Variants in NBN observed in about 807,000 individuals in gnomAD.
The protein encoded by NBN is nibrin.
In NBN, 88 loss-of-function variants were observed where a neutral mutation model predicts 90.8. The ratio of observed to expected loss-of-function variants is 0.97; its 90% confidence interval spans 0.82 to 1.16. The LOEUF is 1.16. Among genes scored for constraint, NBN ranks in the 50% most tolerant of loss-of-function variants. NBN has a pLI of 0.00. For synonymous variants in NBN, 328 were observed against 295.1 expected, an observed-to-expected ratio of 1.11 and a Z score of -1.14; for missense variants, 894 against 869.6, an observed-to-expected ratio of 1.03 and a Z score of -0.35.
At chr8:89,946,378 A>C in intron 12 of NBN, 83 bp from the exon 13 acceptor site, 2 of 1,262,742 alleles carry the variant, frequency 1.6e-6, no homozygotes, top group South Asian at 1.3e-5. Flanking sequence ...TCTATAGAAA[A>C]AAGTTCAAAT....
chr8:89,962,062 A>G (rs1811015229), intron 8 of NBN, among the ~76,000 whole-genome samples: 1 of 152,184 alleles, frequency 6.6e-6, no homozygotes. Flanking sequence ...TTCTTTTTAT[A>G]TAAAAGAAGA....
intron 9 of NBN, among the ~76,000 whole-genome samples, chr8:89,957,335 A>T (rs999700303): frequency 2.6e-5 from 4 of 152,238 alleles, no homozygotes; most frequent in East Asian, 1.9e-4. Flanking sequence ...AACAAAATTT[A>T]AAAATTTGAA....
At chr8:89,983,819 C>T (rs1459400116) in intron 1 of NBN, among the ~76,000 whole-genome samples, 1 of 152,024 alleles carries the variant, frequency 6.6e-6, no homozygotes, top group Non-Finnish European at 1.5e-5. Flanking sequence ...GACGCCTTGA[C>T]CTGTGAGTCT....
At chr8:89,978,885 G>A (rs901730894) in intron 4 of NBN, among the ~76,000 whole-genome samples, 1 of 152,176 alleles carries the variant, frequency 6.6e-6, no homozygotes, top group African/African-American at 2.4e-5. Flanking sequence ...TGTGAATTAA[G>A]CTATAAGCCT....
chr8:89,973,649 G>A (rs1051215938), intron 5 of NBN, among the ~76,000 whole-genome samples: 26 of 152,144 alleles, frequency 1.7e-4, no homozygotes, highest in African/African-American at 5.8e-4. Context: ...AGAAAGAAAA[G>A]ACTAGTGATG....
At chr8:89,952,174 G>A (rs530594490) in intron 11 of NBN, among the ~76,000 whole-genome samples, 5 of 152,092 alleles carry the variant, frequency 3.3e-5, no homozygotes, top group East Asian at 1.9e-4. Flanking sequence ...ACTTTTATAG[G>A]GGAAAAAAGA....
rs1809983545 is a variant in NBN, at chr8:89,942,236, G to A, written c.2184+1017C>T. On this transcript the variant is annotated intron_variant, in intron 14 of 15. Coordinates refer to ENST00000265433, the MANE Select transcript of NBN (RefSeq NM_002485.5). Reference sequence around the variant, plus strand: ...GAAATAAATAAAAATCTCATTTGAAGTTTCTAATGATAAGCCAGCCTTCAT... The same window carrying A: ...GAAATAAATAAAAATCTCATTTGAAATTTCTAATGATAAGCCAGCCTTCAT... Among the ~76,000 whole-genome samples, 3 of 152,128 alleles carry A rather than the reference G, an allele frequency of 2.0e-5. No homozygotes were observed. In the South Asian group the frequency reaches 6.2e-4, roughly 31 times the overall value.
intron 5 of NBN, among the ~76,000 whole-genome samples, chr8:89,972,965 AG>A (rs1413005268): frequency 1.3e-5 from 2 of 152,234 alleles, no homozygotes; most frequent in African/African-American, 4.8e-5. Flanking sequence ...ATTATGCCAT[AG>A]ATAACAGTTT....
chr8:89,968,111 A>G (rs114482466), intron 7 of NBN, among the ~76,000 whole-genome samples: 1,686 of 152,130 alleles, frequency 0.011, 35 homozygotes, highest in African/African-American at 0.038. Context: ...TAAAGAAATT[A>G]GCAGCAACGT....
chr8:89,955,071 G>GT (rs1247347065), intron 10 of NBN, among the ~76,000 whole-genome samples: 2 of 151,988 alleles, frequency 1.3e-5, no homozygotes, highest in Admixed American at 6.6e-5. Context: ...AAAATAACAC[G>GT]TAAGTACATA....
At chr8:89,954,688 A>AAACCTGAAGGTAGAGT (rs1810615648) in intron 10 of NBN, among the ~76,000 whole-genome samples, 1 of 152,144 alleles carries the variant, frequency 6.6e-6, no homozygotes, top group Non-Finnish European at 1.5e-5. Context: ...TAAAGTCTCA[A>AAACCTGAAGGTAGAGT]AACCTGAAGG....
rs769415813 is a variant in NBN at position 89,933,940 on chromosome 8, T to A, written c.*1642A>T. The A allele has an allele frequency of 4.3e-6, 1 of 231,290 alleles. No individual in the cohort carries two copies. The highest frequency in any genetic ancestry group is 8.5e-6 in the Non-Finnish European group (1 of 117,068). 14.3% of individuals were successfully genotyped at this position (231,290 alleles called of 1,614,324 possible). A position where few individuals can be genotyped will look rare whatever the true frequency, so the allele number is the denominator to read the frequency against. On this transcript the variant is annotated 3_prime_UTR_variant, in exon 16 of 16. Transcript: ENST00000265433. The stretch of plus-strand genomic sequence containing the variant: ...AAAATGAAACATCACTACACACCGA[T>A]TGGAATGGTTAAAAAGGAAAAATAC...
intron 14 of NBN, among the ~76,000 whole-genome samples, chr8:89,939,000 CTCA>C (rs2130744025): frequency 6.6e-6 from 1 of 152,174 alleles, no homozygotes; most frequent in East Asian, 1.9e-4. Flanking sequence ...ACAGAAATGC[CTCA>C]TATTACTGGC....
intron 7 of NBN, among the ~76,000 whole-genome samples, chr8:89,968,705 A>G (rs1424535830): frequency 6.6e-6 from 1 of 152,150 alleles, no homozygotes; most frequent in Non-Finnish European, 1.5e-5. Context: ...TTCTCTGTTT[A>G]GAATAAGCTT....
intron 13 of NBN, among the ~76,000 whole-genome samples, chr8:89,945,650 A>G (rs1810152703): frequency 2.0e-5 from 3 of 152,206 alleles, no homozygotes; most frequent in African/African-American, 4.8e-5. Context: ...TACTGATAAA[A>G]TAAGTATCAG....
intron 5 of NBN, among the ~76,000 whole-genome samples, chr8:89,972,561 G>C (rs1811566011): frequency 2.0e-5 from 3 of 152,174 alleles, no homozygotes; most frequent in Admixed American, 2.0e-4. Flanking sequence ...TACAATAAGA[G>C]CACTGGAAAG....
chr8:89,982,798 GCA>G lies in NBN; in HGVS notation c.93_94del (p.Ala32HisfsTer4), dbSNP rs864622253. On this transcript the variant is annotated frameshift_variant, in exon 2 of 16. Transcript: ENST00000265433. LOFTEE classifies it high-confidence loss of function. The stretch of plus-strand genomic sequence containing the variant: ...CGACTGATCATTTTCAATCAGAATG[GCA>G]CAGTTTTTCCTTCCAACAACGTACT... 3.7e-6 allele frequency: 6 copies of G among 1,613,590 alleles called. No individual in the cohort carries two copies. Among genetic ancestry groups the G allele is most frequent in the Non-Finnish European group, 5.1e-6 (6 of 1,179,626 alleles).
chr8:89,949,925 T>A (rs946346923), intron 11 of NBN, among the ~76,000 whole-genome samples: 3 of 152,150 alleles, frequency 2.0e-5, no homozygotes, highest in Non-Finnish European at 4.4e-5. Context: ...ATTCTTAAAA[T>A]AACAAAAATA....
At chr8:89,942,873 G>A (rs1810012506) in intron 14 of NBN, among the ~76,000 whole-genome samples, 1 of 152,082 alleles carries the variant, frequency 6.6e-6, no homozygotes, top group African/African-American at 2.4e-5. Context: ...GAAATTTTCA[G>A]AATTGTTAAA....
Sources: allele counts gnomAD v4.1 joint callset (sites outside exome capture counted in the v4.1 genomes callset), GRCh38; gene constraint gnomAD v4.1.1; transcripts MANE v1.5; gene names NCBI Gene and HGNC (gene_info 2026-07-23, HGNC 2026-07-21).